The following STARD7 variants were observed in gnomAD, a reference collection of about 807,000 sequenced individuals.
The protein encoded by STARD7 is StAR related lipid transfer domain containing 7, also known as stAR-related lipid transfer protein 7, mitochondrial.
Under a neutral mutation model 45.3 loss-of-function variants are expected in STARD7, and 30 were observed. The observed-to-expected ratio is 0.66, with a 90% CI of 0.50 to 0.90. The LOEUF is 0.90. Among genes scored for constraint, STARD7 ranks in the 40% least tolerant of loss-of-function variants. The pLI is 0.00. For synonymous variants in STARD7, 199 were observed against 183.0 expected (o/e 1.09, Z -0.70); for missense variants, 495 against 491.3 (o/e 1.01, Z -0.07).
intron 1 of STARD7, among the ~76,000 whole-genome samples, chr2:96,197,105 A>AAAACAAC (rs1558735872): frequency 2.1e-5 from 3 of 141,490 alleles, no homozygotes; most frequent in Non-Finnish European, 3.1e-5. Flanking sequence ...ATAAAATAAA[A>AAAACAAC]TAAAATAAAA....
At chr2:96,204,419 T>C (rs927261768) in intron 1 of STARD7, among the ~76,000 whole-genome samples, 1 of 151,758 alleles carries the variant, frequency 6.6e-6, no homozygotes, top group African/African-American at 2.4e-5. Context: ...CCGGGTGTGG[T>C]GGCAAGCACC....
rs1205207165 is a variant in STARD7 at position 96,208,826 on chromosome 2, A to G, written c.-392T>C. 4 of 401,952 alleles carry G rather than the reference A, an allele frequency of 1.0e-5. No individual in the cohort carries two copies. The highest frequency in any genetic ancestry group is 4.4e-5 in the Admixed American group (1 of 22,720). The allele number at this position is 401,952 out of a possible 1,614,324, so 24.9% of individuals were successfully genotyped here. A position where few individuals can be genotyped will look rare whatever the true frequency, so the allele number is the denominator to read the frequency against. ...AGCTCCCGCGCCTTCCGCGACTGCCACACGCGCGGCGCGCGCGCACCCTAC... is the reference window on the plus strand; with the variant it reads ...AGCTCCCGCGCCTTCCGCGACTGCCGCACGCGCGGCGCGCGCGCACCCTAC... On this transcript the variant is annotated 5_prime_UTR_variant, in exon 1 of 8. Transcript: ENST00000337288.
chr2:96,190,047 C>T lies in STARD7; in HGVS notation c.843+2322G>A, dbSNP rs138856988. Among the ~76,000 whole-genome samples, 448 of 152,244 alleles carry T rather than the reference C, an allele frequency of 2.9e-3. 5 individuals carry two copies. The highest frequency in any genetic ancestry group is 0.01 in the African/African-American group (434 of 41,562). On this transcript the variant is annotated intron_variant, in intron 6 of 7. Transcript: ENST00000337288. ...TCTGAAAAGGCCTACAAACAATAAA[C>T]GACCCAATAGCTATGAATATTCTTA...
intron 1 of STARD7, among the ~76,000 whole-genome samples, chr2:96,196,677 G>A (rs1408060746): frequency 3.3e-5 from 5 of 151,994 alleles, no homozygotes; most frequent in African/African-American, 1.2e-4. Context: ...TACCCAGGAC[G>A]GTCTCAATCT....
intron 1 of STARD7, among the ~76,000 whole-genome samples, chr2:96,197,117 A>ACAATACAAT (rs1683232910): frequency 6.7e-6 from 1 of 148,650 alleles, no homozygotes; most frequent in Non-Finnish European, 1.5e-5. Flanking sequence ...AAAATAAAAT[A>ACAATACAAT]AAATAAAGCC....
rs1415469877 is a variant in STARD7, at chr2:96,185,923, A to G, written c.*807T>C. 2.0e-5 allele frequency: 3 copies of G among 152,238 alleles called. No individual in the cohort carries two copies. The highest frequency in any genetic ancestry group is 4.4e-5 in the Non-Finnish European group (3 of 68,044). 9.4% of individuals were successfully genotyped at this position (152,238 alleles called of 1,614,324 possible). On this transcript the variant is annotated 3_prime_UTR_variant, in exon 8 of 8. Coordinates refer to ENST00000337288, the MANE Select transcript of STARD7 (RefSeq NM_020151.4). ...TTGAGCATCAAAAAGCTACTATCTA[A>G]AAGGATTAGTCTCCCAGTGTTCTTG...
At position 96,208,708 on chromosome 2, in the gene STARD7, T is replaced by G. The variant is rs1352537424; in HGVS notation, c.-274A>C. On this transcript the variant is annotated 5_prime_UTR_variant, in exon 1 of 8. Transcript: ENST00000337288. ...CCGGGCAGCAGACCAGTCAGCCCTG[T>G]GGCTCCTCGGCGACCTCCAGCGGGC... is the stretch of plus-strand genomic sequence containing the variant. 1 of 414,722 alleles carries G rather than the reference T, an allele frequency of 2.4e-6. No individual in the cohort carries two copies. The highest frequency in any genetic ancestry group is 2.1e-5 in the African/African-American group (1 of 48,746). The allele number at this position is 414,722 out of a possible 1,614,324, so 25.7% of individuals were successfully genotyped here. A position where few individuals can be genotyped will look rare whatever the true frequency, so the allele number is the denominator to read the frequency against.
intron 1 of STARD7, among the ~76,000 whole-genome samples, chr2:96,203,510 G>A (rs1683338953): frequency 6.6e-6 from 1 of 152,216 alleles, no homozygotes; most frequent in Admixed American, 6.5e-5. Flanking sequence ...CCCTCAGCAT[G>A]GAGCTTGGTG....
intron 6 of STARD7, among the ~76,000 whole-genome samples, chr2:96,188,821 G>C (rs1157859380): frequency 6.6e-6 from 1 of 151,944 alleles, no homozygotes; most frequent in African/African-American, 2.4e-5. Flanking sequence ...TTGAACCCGG[G>C]AGGCGGAGGT....
At chr2:96,205,851 T>C (rs536740860) in intron 1 of STARD7, among the ~76,000 whole-genome samples, 22 of 152,102 alleles carry the variant, frequency 1.4e-4, no homozygotes, top group African/African-American at 3.6e-4. Context: ...AGAAAAAAAA[T>C]CCTCAAGATG....
At chr2:96,198,432 AC>A (rs1249064987) in intron 1 of STARD7, among the ~76,000 whole-genome samples, 1 of 152,242 alleles carries the variant, frequency 6.6e-6, no homozygotes, top group Non-Finnish European at 1.5e-5. Flanking sequence ...GATCATGGTA[AC>A]TATGCTTAAC....
chr2:96,205,612 G>C (rs76521646), intron 1 of STARD7, among the ~76,000 whole-genome samples: 1 of 152,156 alleles, frequency 6.6e-6, no homozygotes, highest in African/African-American at 2.4e-5. Context: ...TAGAACAAAC[G>C]AAATCCAAGA....
rs984791705 is a variant in STARD7, at chr2:96,208,415, A to G, written c.20T>C (p.Leu7Pro). The G allele has an allele frequency of 2.8e-6, 4 of 1,419,140 alleles. No homozygotes were observed. The highest frequency in any genetic ancestry group is 3.6e-6 in the Non-Finnish European group (4 of 1,097,394). The allele number at this position is 1,419,140 out of a possible 1,614,324, so 87.9% of individuals were successfully genotyped here. A position where few individuals can be genotyped will look rare whatever the true frequency, so the allele number is the denominator to read the frequency against. The change falls in exon 1 of 8, where the codon CTG becomes CCG. Residue 7 changes from leucine (L) to proline (P), a missense_variant. Coordinates refer to ENST00000337288, the MANE Select transcript of STARD7 (RefSeq NM_020151.4). ...CCGCGTCCCCGCCAGCCAGGCGGCCAGCAGCCTCCGCGGGAGCATGCCGCC... is the reference window on the plus strand; with the variant it reads ...CCGCGTCCCCGCCAGCCAGGCGGCCGGCAGCCTCCGCGGGAGCATGCCGCC... MLPRRL[L>P]AAWLAGTRGG...
chr2:96,199,609 G>A (rs1274678111), intron 1 of STARD7, among the ~76,000 whole-genome samples: 1 of 150,044 alleles, frequency 6.7e-6, no homozygotes, highest in African/African-American at 2.5e-5. Context: ...TGCAAATAGA[G>A]ATAGTTTTAT....
chr2:96,206,694 G>A (rs1219149708), intron 1 of STARD7, among the ~76,000 whole-genome samples: 1 of 151,352 alleles, frequency 6.6e-6, no homozygotes, highest in Non-Finnish European at 1.5e-5. Flanking sequence ...CCAGCTACTC[G>A]GGAGGCTGAG....
Position 96,208,736 on chromosome 2 carries a change from C to T in STARD7, c.-302G>A. 2.4e-6 allele frequency: 1 copy of T among 409,028 alleles called. No homozygotes were observed. Among genetic ancestry groups the T allele is most frequent in the Middle Eastern group, 3.1e-4 (1 of 3,246 alleles). 25.3% of individuals were successfully genotyped at this position (409,028 alleles called of 1,614,324 possible). On this transcript the variant is annotated 5_prime_UTR_variant, in exon 1 of 8. Coordinates refer to ENST00000337288, the MANE Select transcript of STARD7 (RefSeq NM_020151.4). Reference sequence around the variant, plus strand: ...CTCCTCGGCGACCTCCAGCGGGCGCCCGGGGCCGGGATGCAGGGCGCGCGG... The same window carrying T: ...CTCCTCGGCGACCTCCAGCGGGCGCTCGGGGCCGGGATGCAGGGCGCGCGG...
At chr2:96,187,918 A>G (rs1283337232) in intron 6 of STARD7, 1 of 152,394 alleles carries the variant, frequency 6.6e-6, no homozygotes, top group Non-Finnish European at 1.5e-5. Flanking sequence ...AGATCTAGCC[A>G]CTGCATTCCA....
Position 96,208,284 on chromosome 2 carries a change from C to G in STARD7, c.151G>C (p.Glu51Gln), listed in dbSNP as rs753321107. 14 of 1,611,026 alleles carry G rather than the reference C, an allele frequency of 8.7e-6. No individual in the cohort carries two copies. The East Asian group carries it at 2.0e-4, about 23-fold the overall frequency. ...IAQLYGRLYSESSRRVLLGRL... is the reference protein window; with the variant it reads ...IAQLYGRLYSQSSRRVLLGRL... ...CCGAGGAGAACGCGGCGTGAGCTCT[C>G]GGAGTAGAGGCGGCCGTAGAGCTGC... Residue 51 changes from glutamate (E) to glutamine (Q), a missense_variant, in exon 1 of 8, where the codon GAG (glutamate) becomes CAG (glutamine). By Grantham distance (29) the Glu-to-Gln change is conservative. Coordinates refer to ENST00000337288, the MANE Select transcript of STARD7 (RefSeq NM_020151.4).
At chr2:96,193,918 G>A (rs149848831) in intron 3 of STARD7, among the ~76,000 whole-genome samples, 3,075 of 152,280 alleles carry the variant, frequency 0.02, 46 homozygotes, top group Non-Finnish European at 0.032. Context: ...AGTAGTTATC[G>A]GAAGTCAGCA....
Sources: gnomAD v4.1 joint callset for allele counts (sites outside exome capture counted in the v4.1 genomes callset) on GRCh38, gnomAD v4.1.1 for gene constraint, MANE v1.5 for transcripts, NCBI Gene and HGNC (gene_info 2026-07-23, HGNC 2026-07-21) for gene names.